PABPC1L: variants seen among roughly 807,000 people sequenced by gnomAD.
The protein encoded by PABPC1L is polyadenylate-binding protein 1-like.
In PABPC1L, 31 loss-of-function variants were observed where a neutral mutation model predicts 66.6. The observed-to-expected ratio is 0.47, with a 90% CI of 0.35 to 0.63. PABPC1L has a LOEUF of 0.63. Ranked by LOEUF, PABPC1L falls within the 20% of genes least tolerant of loss-of-function variation. PABPC1L has a pLI of 0.00. For missense variants in PABPC1L, 722 were observed against 848.8 expected (o/e 0.85, Z 1.86); for synonymous variants, 348 against 335.1 (o/e 1.04, Z -0.42).
rs548248140 is a variant in PABPC1L at position 44,929,873 on chromosome 20, G to A, written c.973-587G>A. On this transcript the variant is annotated intron_variant, in intron 7 of 14. Coordinates refer to ENST00000217073, the MANE Select transcript of PABPC1L (RefSeq NM_001372179.1). The stretch of plus-strand genomic sequence containing the variant: ...TCTGTAAATCTAAAGTTACTCCAAA[G>A]TAAAAAGGTTATTTTAACAAAAAGG... Among the ~76,000 whole-genome samples, 18 of 151,820 alleles carry A rather than the reference G, an allele frequency of 1.2e-4. No homozygotes were observed. The East Asian group carries it at 2.5e-3, about 21-fold the overall frequency.
intron 7 of PABPC1L, among the ~76,000 whole-genome samples, chr20:44,928,950 C>T (rs2066831105): frequency 6.6e-6 from 1 of 150,412 alleles, no homozygotes; most frequent in Non-Finnish European, 1.5e-5. Flanking sequence ...CTGTATGAGC[C>T]AGGCCGGTGT....
intron 14 of PABPC1L, 146 bp downstream of exon 14, chr20:44,938,894 C>A: frequency 1.2e-6 from 1 of 851,866 alleles, no homozygotes; most frequent in South Asian, 1.6e-5. Context: ...TTGTGAGAAT[C>A]AGAGGAGATG....
At chr20:44,913,431 A>G (rs1461233367) in intron 2 of PABPC1L, among the ~76,000 whole-genome samples, 2 of 151,234 alleles carry the variant, frequency 1.3e-5, no homozygotes, top group African/African-American at 4.9e-5. Flanking sequence ...TTTTTAATTG[A>G]GATGCAGTCT....
At position 44,938,678 on chromosome 20, in the gene PABPC1L, A is replaced by T; in HGVS notation, c.1796A>T (p.Asp599Val). ...CCCGCCACTCATGTCTCACAGATAGACGAGGCAGTGGCCGTGCTGCAGGCA... is the reference window on the plus strand; with the variant it reads ...CCCGCCACTCATGTCTCACAGATAGTCGAGGCAGTGGCCGTGCTGCAGGCA... The part of the protein sequence containing the change: ...ESPESLHAKI[D>V]EAVAVLQAHQ... Residue 599 changes from aspartate (D) to valine (V), a missense_variant, in exon 14 of 15, where the codon GAC (aspartate) becomes GTC (valine). Transcript: ENST00000217073. 1 of 1,608,856 alleles carries T rather than the reference A, an allele frequency of 6.2e-7. No homozygotes were observed. The highest frequency in any genetic ancestry group is 8.5e-7 in the Non-Finnish European group (1 of 1,177,792).
chr20:44,927,541 G>T (rs934205802), intron 7 of PABPC1L, among the ~76,000 whole-genome samples: 2 of 151,844 alleles, frequency 1.3e-5, no homozygotes, highest in Admixed American at 6.6e-5. Flanking sequence ...TAGAGATGGG[G>T]TGTCACTATT....
intron 2 of PABPC1L, among the ~76,000 whole-genome samples, chr20:44,915,761 T>C (rs908182447): frequency 6.8e-6 from 1 of 147,680 alleles, no homozygotes; most frequent in Non-Finnish European, 1.5e-5. Flanking sequence ...ATTGTGCCAT[T>C]GCACTCCAGC....
chr20:44,921,850 G>A, intron 6 of PABPC1L, 119 bp downstream of exon 6: 3 of 1,452,078 alleles, frequency 2.1e-6, no homozygotes, highest in Non-Finnish European at 2.8e-6. Flanking sequence ...CTCAAGGCGG[G>A]AATTGAATGA....
At chr20:44,918,865 G>C (rs1412741139) in intron 3 of PABPC1L, 41 bp from the exon 4 acceptor site, 1 of 1,531,138 alleles carries the variant, frequency 6.5e-7, no homozygotes, top group Non-Finnish European at 8.8e-7. Context: ...CTGATGGCTG[G>C]TAGCTGTCCA....
intron 7 of PABPC1L, among the ~76,000 whole-genome samples, chr20:44,928,864 C>CAATAAAAAAAAA (rs2066828987): frequency 1.8e-5 from 1 of 54,358 alleles, no homozygotes; most frequent in Admixed American, 2.8e-4. Flanking sequence ...GATCCTGACT[C>CAATAAAAAAAAA]AAAAAAAAAA....
chr20:44,913,413 G>T (rs535230944), intron 2 of PABPC1L, among the ~76,000 whole-genome samples: 1 of 145,776 alleles, frequency 6.9e-6, no homozygotes, highest in Non-Finnish European at 1.5e-5. Flanking sequence ...CTTCCACTAC[G>T]TTTTTTTTTT....
At chr20:44,925,943 C>T (rs1180833501) in intron 7 of PABPC1L, among the ~76,000 whole-genome samples, 6 of 152,172 alleles carry the variant, frequency 3.9e-5, no homozygotes. Context: ...CTTTTCGGAC[C>T]TTGTTTACTC....
chr20:44,921,372 TC>T (rs1407756030), intron 5 of PABPC1L, among the ~76,000 whole-genome samples: 1 of 152,124 alleles, frequency 6.6e-6, no homozygotes, highest in Non-Finnish European at 1.5e-5. Flanking sequence ...GGTCTCGAAT[TC>T]CTGACCTCAG....
chr20:44,921,729 C>T lies in PABPC1L; in HGVS notation c.874C>T (p.Gln292Ter), dbSNP rs2066775416. ...QMKQDRLRRY[Q>*]GVNLYVKNLD... ...GAAGCAGGACCGGCTGAGGCGTTAC[C>T]AGGTGAGGTCAGGCTTCCTGGTGGC... The change falls in exon 6 of 15, where the codon CAG becomes TAG. Residue 292 changes from glutamine to a stop codon, truncating the protein, a stop_gained and splice_region_variant. Coordinates refer to ENST00000217073, the MANE Select transcript of PABPC1L (RefSeq NM_001372179.1). LOFTEE classifies it high-confidence loss of function. 7 of 1,613,048 alleles carry T rather than the reference C, an allele frequency of 4.3e-6. No homozygotes were observed. The highest frequency in any genetic ancestry group is 1.3e-5 in the African/African-American group (1 of 74,862).
intron 7 of PABPC1L, among the ~76,000 whole-genome samples, chr20:44,925,038 C>T (rs945436541): frequency 6.7e-6 from 1 of 148,984 alleles, no homozygotes. Context: ...ACGGTGAAAC[C>T]CCATCTCTAC....
intron 12 of PABPC1L, chr20:44,937,162 C>T (rs1222151717): frequency 3.3e-5 from 12 of 362,530 alleles, no homozygotes; most frequent in East Asian, 7.3e-5. Context: ...GGCATCTGTG[C>T]GTTTGGTAAA....
rs373098537 is a variant in PABPC1L, at chr20:44,938,656, G to A, written c.1792-18G>A. 128 of 1,596,224 alleles carry A rather than the reference G, an allele frequency of 8.0e-5. No individual in the cohort carries two copies. Among genetic ancestry groups the A allele is most frequent in the African/African-American group, 1.1e-4 (8 of 74,676 alleles). On this transcript the variant is annotated intron_variant, in intron 13 of 14. Coordinates refer to ENST00000217073, the MANE Select transcript of PABPC1L (RefSeq NM_001372179.1). Reference sequence around the variant, plus strand: ...TAAGATAGCTGCACTAAGCCCCCCCGCCACTCATGTCTCACAGATAGACGA... The same window carrying A: ...TAAGATAGCTGCACTAAGCCCCCCCACCACTCATGTCTCACAGATAGACGA...
intron 8 of PABPC1L, among the ~76,000 whole-genome samples, chr20:44,931,029 TCCCTCC>T (rs2066851197): frequency 4.3e-5 from 1 of 23,414 alleles, no homozygotes; most frequent in African/African-American, 2.0e-4. Context: ...TTCCCTCCCT[TCCCTCC>T]CTTCCCTCCC....
intron 14 of PABPC1L, 110 bp from the exon 15 acceptor site, chr20:44,939,016 G>C: frequency 1.4e-6 from 1 of 701,534 alleles, no homozygotes; most frequent in South Asian, 1.5e-5. Flanking sequence ...GCCCTGCCTG[G>C]CTCCATTCTG....
intron 3 of PABPC1L, among the ~76,000 whole-genome samples, chr20:44,917,940 G>A (rs1433965593): frequency 1.3e-5 from 2 of 152,198 alleles, no homozygotes; most frequent in Non-Finnish European, 2.9e-5. Context: ...TGTGCTAAAC[G>A]TGCTATAGAT....
Sources: gnomAD v4.1 joint callset for allele counts (sites outside exome capture counted in the v4.1 genomes callset) on GRCh38, gnomAD v4.1.1 for gene constraint, MANE v1.5 for transcripts, NCBI Gene and HGNC (gene_info 2026-07-23, HGNC 2026-07-21) for gene names.